The following FHIT variants were observed in gnomAD, a reference collection of about 807,000 sequenced individuals.
FHIT encodes the protein fragile histidine triad diadenosine triphosphatase.
In FHIT, 19 loss-of-function variants were observed where a neutral mutation model predicts 17.9. The observed-to-expected ratio is 1.06, with a 90% CI of 0.74 to 1.56. FHIT has a LOEUF of 1.56. Ranked by LOEUF, FHIT falls within the 40% of genes most tolerant of loss-of-function variation. FHIT has a pLI of 0.00. For synonymous variants in FHIT, 81 were observed against 69.7 expected, an observed-to-expected ratio of 1.16 and a Z score of -0.81; for missense variants, 248 against 189.2, an observed-to-expected ratio of 1.31 and a Z score of -1.82.
intron 5 of FHIT, among the ~76,000 whole-genome samples, chr3:60,210,097 A>C (rs2107513814): frequency 6.6e-6 from 1 of 152,250 alleles, no homozygotes; most frequent in Non-Finnish European, 1.5e-5. Flanking sequence ...CAAAAACAAA[A>C]ACCAAAAAAA....
intron 4 of FHIT, among the ~76,000 whole-genome samples, chr3:60,789,485 T>A (rs1559724238): frequency 6.6e-6 from 1 of 152,162 alleles, no homozygotes; most frequent in Non-Finnish European, 1.5e-5. Flanking sequence ...GCCACTGCAC[T>A]CCAGCCTGGC....
chr3:60,479,282 G>C (rs2033493949), intron 5 of FHIT, among the ~76,000 whole-genome samples: 2 of 152,102 alleles, frequency 1.3e-5, no homozygotes, highest in Non-Finnish European at 1.5e-5. Flanking sequence ...AGTGTCCTAG[G>C]AGATGACTAT....
intron 3 of FHIT, among the ~76,000 whole-genome samples, chr3:60,962,735 T>C (rs1221045992): frequency 1.3e-5 from 2 of 152,210 alleles, no homozygotes; most frequent in Non-Finnish European, 2.9e-5. Context: ...ATTATGTTTA[T>C]TGATTTGCGT....
At chr3:60,260,612 T>C (rs144372954) in intron 5 of FHIT, among the ~76,000 whole-genome samples, 56 of 152,158 alleles carry the variant, frequency 3.7e-4, no homozygotes, top group Admixed American at 1.8e-3. Flanking sequence ...TATTTTTTTC[T>C]TGTATCTGTC....
chr3:60,681,426 A>C (rs2040745171), intron 4 of FHIT, among the ~76,000 whole-genome samples: 1 of 152,160 alleles, frequency 6.6e-6, no homozygotes, highest in South Asian at 2.1e-4. Flanking sequence ...TAGTCCAACT[A>C]ATAAGCAGAC....
intron 4 of FHIT, among the ~76,000 whole-genome samples, chr3:60,608,589 C>T (rs556629649): frequency 2.0e-5 from 3 of 150,738 alleles, no homozygotes; most frequent in Admixed American, 1.3e-4. Context: ...TATTTTTTTT[C>T]CCACCAGGAA....
At chr3:59,939,807 C>A (rs371092845) in intron 7 of FHIT, among the ~76,000 whole-genome samples, 1 of 152,222 alleles carries the variant, frequency 6.6e-6, no homozygotes, top group Non-Finnish European at 1.5e-5. Flanking sequence ...AAATGTCACA[C>A]CCTCACCGGC....
intron 2 of FHIT, among the ~76,000 whole-genome samples, chr3:61,186,981 A>T (rs749352500): frequency 1.6e-4 from 24 of 152,150 alleles, no homozygotes; most frequent in Non-Finnish European, 2.4e-4. Flanking sequence ...ATAACTTTTA[A>T]TTGTATATGC....
chr3:60,913,548 A>G (rs1173346946), intron 3 of FHIT, among the ~76,000 whole-genome samples: 1 of 152,218 alleles, frequency 6.6e-6, no homozygotes, highest in Admixed American at 6.5e-5. Flanking sequence ...AATTTAATGT[A>G]CTGCTTATCC....
At chr3:60,060,602 A>T (rs1702257734) in intron 5 of FHIT, among the ~76,000 whole-genome samples, 1 of 152,216 alleles carries the variant, frequency 6.6e-6, no homozygotes, top group Non-Finnish European at 1.5e-5. Flanking sequence ...AGTTACATGA[A>T]AACTGTGGCA....
At chr3:60,149,814 G>A (rs1700385410) in intron 5 of FHIT, among the ~76,000 whole-genome samples, 1 of 143,334 alleles carries the variant, frequency 7.0e-6, no homozygotes, top group African/African-American at 2.6e-5. Flanking sequence ...GAGATTTGCT[G>A]TGGGATAGAC....
intron 8 of FHIT, among the ~76,000 whole-genome samples, chr3:59,799,188 G>A (rs1699896672): frequency 6.6e-6 from 1 of 152,154 alleles, no homozygotes; most frequent in African/African-American, 2.4e-5. Flanking sequence ...GGCGTACATA[G>A]ACTTACATAT....
chr3:60,038,492 G>A (rs956174040), intron 5 of FHIT, among the ~76,000 whole-genome samples: 32 of 152,192 alleles, frequency 2.1e-4, no homozygotes, highest in African/African-American at 7.5e-4. Flanking sequence ...ACTGCAGACA[G>A]TTGCTTGTAC....
intron 3 of FHIT, among the ~76,000 whole-genome samples, chr3:60,980,496 C>A (rs1327245776): frequency 6.6e-6 from 1 of 152,226 alleles, no homozygotes; most frequent in South Asian, 2.1e-4. Context: ...ATCACCTCAC[C>A]CTCCCACCTA....
chr3:60,435,184 A>G (rs1464877766), intron 5 of FHIT, among the ~76,000 whole-genome samples: 1 of 152,176 alleles, frequency 6.6e-6, no homozygotes, highest in Non-Finnish European at 1.5e-5. Flanking sequence ...ACTAGCCTTC[A>G]GCCAAAGCCC....
At chr3:61,113,717 T>C (rs936854389) in intron 2 of FHIT, among the ~76,000 whole-genome samples, 2 of 152,176 alleles carry the variant, frequency 1.3e-5, no homozygotes, top group African/African-American at 4.8e-5. Context: ...CATGTCTATC[T>C]TTGCCCCCAT....
chr3:60,349,895 C>T (rs887112497), intron 5 of FHIT, among the ~76,000 whole-genome samples: 5 of 152,094 alleles, frequency 3.3e-5, no homozygotes, highest in Admixed American at 6.6e-5. Context: ...AGGGTAAAAC[C>T]TAGTTATGTT....
At chr3:60,587,941 T>G (rs550240240) in intron 4 of FHIT, among the ~76,000 whole-genome samples, 1 of 151,716 alleles carries the variant, frequency 6.6e-6, no homozygotes, top group East Asian at 1.9e-4. Flanking sequence ...CCAAAGATCA[T>G]GCAATGCCCC....
intron 3 of FHIT, among the ~76,000 whole-genome samples, chr3:60,987,395 C>G (rs1243650267): frequency 6.6e-6 from 1 of 152,230 alleles, no homozygotes; most frequent in East Asian, 1.9e-4. Flanking sequence ...TAAAGGCATT[C>G]TTAAGCCATG....
Sources: allele counts gnomAD v4.1 joint callset (sites outside exome capture counted in the v4.1 genomes callset), GRCh38; gene constraint gnomAD v4.1.1; transcripts MANE v1.5; gene names NCBI Gene and HGNC (gene_info 2026-07-23, HGNC 2026-07-21).